Variants in PDE3B observed in about 807,000 individuals in gnomAD.
PDE3B encodes cGMP-inhibited 3',5'-cyclic phosphodiesterase 3B.
PDE3B carries 66 observed loss-of-function variants against 116.8 expected under a neutral mutation model. The ratio of observed to expected loss-of-function variants is 0.56; its 90% CI spans 0.46 to 0.69. PDE3B has a LOEUF of 0.69. Among genes scored for constraint, PDE3B ranks in the 30% least tolerant of loss-of-function variants. The pLI is 0.00. For synonymous variants in PDE3B, 595 were observed against 533.6 expected (o/e 1.12, Z -1.59); for missense variants, 1,384 against 1,368.1 (o/e 1.01, Z -0.18).
At chr11:14,674,509 C>T (rs1009796326) in intron 1 of PDE3B, 1 of 528,030 alleles carries the variant, frequency 1.9e-6, no homozygotes, top group Non-Finnish European at 3.7e-6. Flanking sequence ...GCACAGCACT[C>T]ACTCAACCTC....
At chr11:14,659,657 C>T (rs1006429973) in intron 1 of PDE3B, among the ~76,000 whole-genome samples, 3 of 152,180 alleles carry the variant, frequency 2.0e-5, no homozygotes, top group Non-Finnish European at 4.4e-5. Flanking sequence ...GTCCCTCCTC[C>T]CACTCCGGTA....
Position 14,644,396 on chromosome 11 carries a change from G to T in PDE3B, c.321G>T (p.Trp107Cys). ...EPESWAAGAA[W>C]LRTLLSVCSH... is the part of the protein sequence containing the mutation. ...AGAGCTGGGCTGCCGGGGCCGCCTGGCTGCGGACGCTGCTGAGCGTGTGTT... is the reference window on the plus strand; with the variant it reads ...AGAGCTGGGCTGCCGGGGCCGCCTGTCTGCGGACGCTGCTGAGCGTGTGTT... The change falls in exon 1 of 16, where the codon TGG becomes TGT. Residue 107 changes from tryptophan (W) to cysteine (C), a missense_variant. By Grantham distance (215) the Trp-to-Cys change is radical. Coordinates refer to ENST00000282096, the MANE Select transcript of PDE3B (RefSeq NM_000922.4). 1 of 1,605,098 alleles carries T rather than the reference G, an allele frequency of 6.2e-7. No homozygotes were observed.
chr11:14,682,969 CT>C, intron 1 of PDE3B, among the ~76,000 whole-genome samples: 1 of 147,044 alleles, frequency 6.8e-6, no homozygotes, highest in South Asian at 2.1e-4. Flanking sequence ...CGGAGTTTGG[CT>C]CTTGTTGTCC....
At chr11:14,752,751 T>C (rs556288416) in intron 1 of PDE3B, among the ~76,000 whole-genome samples, 38 of 152,248 alleles carry the variant, frequency 2.5e-4, no homozygotes, top group African/African-American at 9.1e-4. Flanking sequence ...AATCCTTCAT[T>C]TAGGTATTAC....
chr11:14,819,892 A>G (rs113500498), intron 7 of PDE3B, among the ~76,000 whole-genome samples: 142 of 152,272 alleles, frequency 9.3e-4, no homozygotes, highest in African/African-American at 3.2e-3. Flanking sequence ...ACAGAGACCA[A>G]TGACTGATAG....
intron 1 of PDE3B, among the ~76,000 whole-genome samples, chr11:14,722,515 TG>T (rs1399812241): frequency 1.3e-5 from 2 of 152,172 alleles, no homozygotes; most frequent in Non-Finnish European, 2.9e-5. Context: ...TTGTAAGATT[TG>T]TTGAGTAGTA....
intron 1 of PDE3B, 22 bp downstream of exon 1, chr11:14,645,075 G>C: frequency 6.5e-7 from 1 of 1,544,004 alleles, no homozygotes; most frequent in Non-Finnish European, 8.7e-7. Flanking sequence ...GGAAGGCGAG[G>C]TCTGGGACGC....
intron 1 of PDE3B, among the ~76,000 whole-genome samples, chr11:14,675,692 C>T (rs138685741): frequency 0.015 from 2,219 of 152,088 alleles, 32 homozygotes; most frequent in Admixed American, 0.032. Context: ...GTATATCAGT[C>T]GTGAATATAT....
At chr11:14,731,244 A>G (rs1026184351) in intron 1 of PDE3B, among the ~76,000 whole-genome samples, 3 of 142,656 alleles carry the variant, frequency 2.1e-5, no homozygotes, top group Admixed American at 7.0e-5. Flanking sequence ...GTTTTAAAGC[A>G]TTTTACTTTG....
chr11:14,754,915 C>T (rs1038232043), intron 1 of PDE3B, among the ~76,000 whole-genome samples: 1 of 152,124 alleles, frequency 6.6e-6, no homozygotes, highest in Admixed American at 6.6e-5. Context: ...GTTGCACAGT[C>T]TTGGAAGGAC....
chr11:14,774,753 T>C (rs1400249658), intron 2 of PDE3B: 1 of 152,236 alleles, frequency 6.6e-6, no homozygotes, highest in Admixed American at 6.5e-5. Flanking sequence ...AGTTATCATG[T>C]CACTCTCTTG....
intron 2 of PDE3B, chr11:14,774,319 A>T (rs1323919995): frequency 1.3e-5 from 2 of 152,278 alleles, no homozygotes; most frequent in East Asian, 3.9e-4. Context: ...TCCCTCACCT[A>T]CAAATTGAGA....
intron 5 of PDE3B, among the ~76,000 whole-genome samples, chr11:14,816,544 T>C (rs1859336866): frequency 6.6e-6 from 1 of 152,252 alleles, no homozygotes; most frequent in South Asian, 2.1e-4. Context: ...ACTCATCTTA[T>C]GTGTTCCTGA....
At chr11:14,695,762 G>T (rs1040068287) in intron 1 of PDE3B, among the ~76,000 whole-genome samples, 2 of 151,748 alleles carry the variant, frequency 1.3e-5, no homozygotes, top group African/African-American at 4.8e-5. Flanking sequence ...GTAAGAACAT[G>T]CAGTGTTTGG....
chr11:14,780,073 A>G (rs557791241), intron 2 of PDE3B, among the ~76,000 whole-genome samples: 1 of 152,190 alleles, frequency 6.6e-6, no homozygotes, highest in Non-Finnish European at 1.5e-5. Flanking sequence ...AGACAAGGCC[A>G]TTATATAATG....
At position 14,663,935 on chromosome 11, in the gene PDE3B, C is replaced by G. The variant is rs549339928; in HGVS notation, c.978+18882C>G. On this transcript the variant is annotated intron_variant, in intron 1 of 15. Transcript: ENST00000282096. ...GCGGACCTAATAGACATCTACAGAA[C>G]TCTCCACCCCAAATCAACAGAATAT... is the stretch of plus-strand genomic sequence containing the variant. 3.2e-3 allele frequency among the ~76,000 whole-genome samples: 491 copies of G among 152,276 alleles called. 4 individuals carry two copies. The highest frequency in any genetic ancestry group is 0.01 in the African/African-American group (426 of 41,546).
intron 12 of PDE3B, among the ~76,000 whole-genome samples, chr11:14,853,295 A>G (rs973455429): frequency 5.3e-5 from 8 of 152,166 alleles, no homozygotes; most frequent in African/African-American, 1.7e-4. Flanking sequence ...TATCTTCTCA[A>G]TGGAATATAA....
chr11:14,817,000 C>T (rs989409669), intron 5 of PDE3B, among the ~76,000 whole-genome samples: 6 of 152,070 alleles, frequency 3.9e-5, no homozygotes, highest in Admixed American at 1.3e-4. Flanking sequence ...GTGTTTATTG[C>T]GGCACTATTC....
At chr11:14,731,359 C>T (rs1373799981) in intron 1 of PDE3B, among the ~76,000 whole-genome samples, 4 of 150,802 alleles carry the variant, frequency 2.7e-5, no homozygotes, top group African/African-American at 4.9e-5. Context: ...CCCGAGTTCA[C>T]GCCATTCTCC....
Sources: gnomAD v4.1 joint callset for allele counts (sites outside exome capture counted in the v4.1 genomes callset) on GRCh38, gnomAD v4.1.1 for gene constraint, MANE v1.5 for transcripts, NCBI Gene and HGNC (gene_info 2026-07-23, HGNC 2026-07-21) for gene names.